ZMIZ1: variants seen among roughly 807,000 people sequenced by gnomAD.
ZMIZ1 encodes zinc finger MIZ domain-containing protein 1.
ZMIZ1 carries 17 observed loss-of-function variants against 113.9 expected under a neutral mutation model. The ratio of observed to expected loss-of-function variants is 0.15; its 90% CI spans 0.10 to 0.22. The LOEUF is 0.22. Ranked by LOEUF, ZMIZ1 falls within the 10% of genes least tolerant of loss-of-function variation. ZMIZ1 has a pLI of 1.00. For synonymous variants in ZMIZ1, 607 were observed against 603.1 expected, an observed-to-expected ratio of 1.01 and a Z score of -0.09; for missense variants, 1,059 against 1,477.8, an observed-to-expected ratio of 0.72 and a Z score of 4.65.
At position 79,315,865 on chromosome 10, in the gene ZMIZ1, A is replaced by G. The variant is rs1156232175; in HGVS notation, c.*3116A>G. On this transcript the variant is annotated 3_prime_UTR_variant, in exon 25 of 25. Transcript: ENST00000334512. ...TTTGCGAAACAAAACAAAACAAAAA[A>G]AAAAGCTTGGAACTCCATCACGTGG... 1 of 152,792 alleles carries G rather than the reference A, an allele frequency of 6.5e-6. No individual in the cohort carries two copies. Among genetic ancestry groups the G allele is most frequent in the Admixed American group, 6.5e-5 (1 of 15,286 alleles). 9.5% of individuals were successfully genotyped at this position (152,792 alleles called of 1,614,324 possible).
intron 1 of ZMIZ1, among the ~76,000 whole-genome samples, chr10:79,115,173 G>T (rs1843968030): frequency 6.6e-6 from 1 of 152,164 alleles, no homozygotes; most frequent in Admixed American, 6.6e-5. Context: ...CTGGGAATGA[G>T]GTACTCACCA....
At chr10:79,279,648 C>T (rs983916152) in intron 8 of ZMIZ1, among the ~76,000 whole-genome samples, 8 of 152,206 alleles carry the variant, frequency 5.3e-5, no homozygotes, top group Non-Finnish European at 2.9e-5. Context: ...GCCGAGATCA[C>T]GCCACTGCAC....
chr10:79,227,928 G>A (rs1338845953), intron 7 of ZMIZ1, among the ~76,000 whole-genome samples: 1 of 152,240 alleles, frequency 6.6e-6, no homozygotes, highest in Non-Finnish European at 1.5e-5. Context: ...AGGCAGCCCT[G>A]CAGAAGGGGA....
intron 7 of ZMIZ1, 197 bp downstream of exon 7, chr10:79,216,471 G>A: frequency 6.3e-6 from 3 of 476,456 alleles, no homozygotes; most frequent in Non-Finnish European, 1.1e-5. Context: ...CTCCCAGGGA[G>A]TATACTTGCC....
chr10:79,152,126 A>T (rs556562619), intron 3 of ZMIZ1, among the ~76,000 whole-genome samples: 12 of 152,244 alleles, frequency 7.9e-5, no homozygotes, highest in African/African-American at 2.6e-4. Flanking sequence ...CTCTGAGCCA[A>T]TTTCCCCCAT....
intron 2 of ZMIZ1, among the ~76,000 whole-genome samples, chr10:79,121,918 C>G (rs550114716): frequency 6.6e-6 from 1 of 152,218 alleles, no homozygotes; most frequent in East Asian, 1.9e-4. Flanking sequence ...GCATCTGTAC[C>G]CAACAATACC....
intron 6 of ZMIZ1, among the ~76,000 whole-genome samples, chr10:79,215,428 T>C (rs1234975058): frequency 6.6e-6 from 1 of 151,750 alleles, no homozygotes; most frequent in African/African-American, 2.4e-5. Context: ...GCCTCCAGAA[T>C]TGCTGGGATT....
chr10:79,265,463 C>CTTTTTTTTTT (rs869066608), intron 7 of ZMIZ1, among the ~76,000 whole-genome samples: 2 of 131,728 alleles, frequency 1.5e-5, no homozygotes, highest in South Asian at 2.3e-4. Context: ...CCTTTTTTTT[C>CTTTTTTTTTT]TTTTCTTTTT....
At chr10:79,144,683 C>T (rs1845412143) in intron 3 of ZMIZ1, among the ~76,000 whole-genome samples, 1 of 152,242 alleles carries the variant, frequency 6.6e-6, no homozygotes, top group African/African-American at 2.4e-5. Context: ...ATATAGATTA[C>T]TAATGAAATG....
chr10:79,260,448 G>A (rs1258185027), intron 7 of ZMIZ1, among the ~76,000 whole-genome samples: 1 of 152,204 alleles, frequency 6.6e-6, no homozygotes, highest in Non-Finnish European at 1.5e-5. Context: ...GAGGGGGTGA[G>A]TGAATCACGT....
Position 79,145,210 on chromosome 10 carries a change from CTG to C in ZMIZ1, c.-131+5437_-131+5438del, listed in dbSNP as rs534631924. 6.0e-4 allele frequency among the ~76,000 whole-genome samples: 91 copies of C among 152,218 alleles called. 1 individual carries two copies. The highest frequency in any genetic ancestry group is 2.0e-3 in the African/African-American group (82 of 41,530). On this transcript the variant is annotated intron_variant, in intron 3 of 24. Transcript: ENST00000334512. ...CTTGCCTCTCACTCTTCCTCCCTTT[CTG>C]TGTCTTTCTCCACTGACAAGACTCT...
Position 79,292,241 on chromosome 10 carries a change from C to T in ZMIZ1, c.842C>T (p.Ala281Val). The T allele has an allele frequency of 6.2e-7, 1 of 1,612,200 alleles. No individual in the cohort carries two copies. Among genetic ancestry groups the T allele is most frequent in the Non-Finnish European group, 8.5e-7 (1 of 1,179,624 alleles). ...RPPADFTQPA[A>V]AAAAAAVAAA... ...CCTGCTGACTTCACTCAGCCCGCGG[C>T]AGCCGCTGCAGCAGCGGCAGTGGCA... The change falls in exon 11 of 25, where the codon GCA (alanine) becomes GTA (valine). Residue 281 changes from alanine (A) to valine (V), a missense_variant. Coordinates refer to ENST00000334512, the MANE Select transcript of ZMIZ1 (RefSeq NM_020338.4).
At chr10:79,075,573 A>ATACATG (rs1842442008) in intron 1 of ZMIZ1, among the ~76,000 whole-genome samples, 2 of 142,804 alleles carry the variant, frequency 1.4e-5, no homozygotes, top group African/African-American at 2.9e-5. Flanking sequence ...ACACATGCAC[A>ATACATG]CACATGCACA....
In ZMIZ1 at chr10:79,138,613, G is replaced by C. The variant is rs889195265; in HGVS notation, c.-226-1069G>C. 3.3e-5 allele frequency among the ~76,000 whole-genome samples: 5 copies of C among 152,276 alleles called. No individual in the cohort carries two copies. The South Asian group carries it at 8.3e-4, about 25-fold the overall frequency. ...ATGGCTCTGACCCCTTACATCCCTT[G>C]GCCTGATACAATGACCAGTTCTTGG... On this transcript the variant is annotated intron_variant, in intron 2 of 24. Coordinates refer to ENST00000334512, the MANE Select transcript of ZMIZ1 (RefSeq NM_020338.4).
intron 1 of ZMIZ1, among the ~76,000 whole-genome samples, chr10:79,090,225 C>T (rs1247461402): frequency 6.6e-6 from 1 of 152,174 alleles, no homozygotes; most frequent in Admixed American, 6.5e-5. Context: ...AGGTGCAGTG[C>T]CTGGGGTGCT....
Position 79,314,151 on chromosome 10 carries a change from C to A in ZMIZ1, c.*1402C>A. 1 of 457,080 alleles carries A rather than the reference C, an allele frequency of 2.2e-6. No individual in the cohort carries two copies. Among genetic ancestry groups the A allele is most frequent in the Non-Finnish European group, 4.4e-6 (1 of 227,018 alleles). 28.3% of individuals were successfully genotyped at this position (457,080 alleles called of 1,614,324 possible). ...GCAGCCTCTGGCCTTCCCTCCACCGCTTTGCTCCATCTGGCTTACCACTCT... is the reference window on the plus strand; with the variant it reads ...GCAGCCTCTGGCCTTCCCTCCACCGATTTGCTCCATCTGGCTTACCACTCT... On this transcript the variant is annotated 3_prime_UTR_variant, in exon 25 of 25. Coordinates refer to ENST00000334512, the MANE Select transcript of ZMIZ1 (RefSeq NM_020338.4).
Position 79,307,571 on chromosome 10 carries a change from T to G in ZMIZ1, c.2835T>G (p.Thr945=). Residue 945 remains threonine, a splice_region_variant and synonymous_variant, in exon 23 of 25, where the codon ACT becomes ACG. Transcript: ENST00000334512. Reference sequence around the variant, plus strand: ...CCCTCAGCCACCCCATGCAGGAAACTGTGAGTACCTCCTCCTCACCCCATT... The same window carrying G: ...CCCTCAGCCACCCCATGCAGGAAACGGTGAGTACCTCCTCCTCACCCCATT... The part of the protein sequence containing the change: ...EKPLSHPMQE[T]MPHAGSSDQP... The G allele has an allele frequency of 1.3e-6, 2 of 1,599,788 alleles. No homozygotes were observed. Among genetic ancestry groups the G allele is most frequent in the Non-Finnish European group, 1.7e-6 (2 of 1,176,498 alleles).
intron 8 of ZMIZ1, among the ~76,000 whole-genome samples, chr10:79,280,608 T>A (rs1375885470): frequency 6.6e-6 from 1 of 151,530 alleles, no homozygotes; most frequent in African/African-American, 2.4e-5. Context: ...TGCAGGACTT[T>A]GCAGGGCATT....
chr10:79,070,456 C>T (rs1257609244), intron 1 of ZMIZ1, among the ~76,000 whole-genome samples: 1 of 151,176 alleles, frequency 6.6e-6, no homozygotes, highest in African/African-American at 2.4e-5. Flanking sequence ...GGCCTCAGCC[C>T]CGGGTTTAAA....
Sources: gnomAD v4.1 joint callset for allele counts (sites outside exome capture counted in the v4.1 genomes callset) on GRCh38, gnomAD v4.1.1 for gene constraint, MANE v1.5 for transcripts, NCBI Gene and HGNC (gene_info 2026-07-23, HGNC 2026-07-21) for gene names.